Variants in PTPRT observed in about 807,000 individuals in gnomAD.
PTPRT encodes protein tyrosine phosphatase receptor type T, also known as receptor-type tyrosine-protein phosphatase T.
A neutral mutation model predicts 176.8 loss-of-function variants in PTPRT; 56 were observed. That is an observed-to-expected ratio of 0.32 (90% CI 0.26 to 0.40). The LOEUF (loss-of-function observed/expected upper bound fraction) is 0.40. Ranked by LOEUF, PTPRT falls within the 10% of genes least tolerant of loss-of-function variation. PTPRT has a pLI of 1.00. For missense variants in PTPRT, 1,540 were observed against 1,908.2 expected, an observed-to-expected ratio of 0.81 and a Z score of 3.60; for synonymous variants, 783 against 739.0, an observed-to-expected ratio of 1.06 and a Z score of -0.96.
intron 1 of PTPRT, among the ~76,000 whole-genome samples, chr20:42,917,773 T>C (rs150374404): frequency 7.4e-4 from 113 of 152,270 alleles, no homozygotes; most frequent in African/African-American, 2.6e-3. Context: ...CCAGAAGTCA[T>C]AACTAGTGAG....
chr20:42,102,384 C>A (rs1568931567), intron 25 of PTPRT, 87 bp from the exon 26 acceptor site: 1 of 1,428,514 alleles, frequency 7.0e-7, no homozygotes, highest in Non-Finnish European at 9.6e-7. Context: ...CTCAGCCTAA[C>A]TCGCCTATTT....
intron 7 of PTPRT, among the ~76,000 whole-genome samples, chr20:42,483,872 C>T (rs1268873750): frequency 6.6e-6 from 1 of 152,248 alleles, no homozygotes; most frequent in Admixed American, 6.5e-5. Flanking sequence ...TGGCTGCATG[C>T]TAGTATCTGC....
At position 42,075,776 on chromosome 20, in the gene PTPRT, C is replaced by T; in HGVS notation, c.*5103G>A. 4.9e-6 allele frequency: 1 copy of T among 203,306 alleles called. No individual in the cohort carries two copies. Among genetic ancestry groups the T allele is most frequent in the Non-Finnish European group, 1.0e-5 (1 of 99,088 alleles). The allele number at this position is 203,306 out of a possible 1,614,324, so 12.6% of individuals were successfully genotyped here. The stretch of plus-strand genomic sequence containing the variant: ...AAATGTAGATCCTGGTGAGGACTTA[C>T]AGCAAGAGCTAGTGTGGCAATGGGG... On this transcript the variant is annotated 3_prime_UTR_variant, in exon 31 of 31. Transcript: ENST00000373187.
intron 7 of PTPRT, among the ~76,000 whole-genome samples, chr20:42,604,063 C>T (rs977917237): frequency 2.0e-5 from 3 of 152,176 alleles, no homozygotes; most frequent in Non-Finnish European, 4.4e-5. Context: ...GACAAATACA[C>T]CAAGTGTCGG....
At chr20:42,607,209 G>A (rs906656217) in intron 7 of PTPRT, among the ~76,000 whole-genome samples, 12 of 152,248 alleles carry the variant, frequency 7.9e-5, no homozygotes, top group Admixed American at 2.0e-4. Context: ...TGAAGAGTTC[G>A]TATTTAATGG....
intron 1 of PTPRT, among the ~76,000 whole-genome samples, chr20:42,974,678 C>A (rs1392821935): frequency 6.6e-6 from 1 of 152,194 alleles, no homozygotes; most frequent in Non-Finnish European, 1.5e-5. Context: ...GTACAAGTTC[C>A]ACTACGGCTA....
intron 9 of PTPRT, among the ~76,000 whole-genome samples, chr20:42,424,454 C>G (rs1264132442): frequency 2.0e-5 from 3 of 152,202 alleles, no homozygotes; most frequent in Non-Finnish European, 4.4e-5. Flanking sequence ...ACACCTTCCA[C>G]CTGCCTCCCA....
chr20:42,065,165 G>C, the PTPRT span, among the ~76,000 whole-genome samples: 2 of 152,164 alleles, frequency 1.3e-5, no homozygotes, highest in Admixed American at 1.3e-4. Flanking sequence ...CCCTTCTCAA[G>C]AGCTGCCAGA....
intron 1 of PTPRT, among the ~76,000 whole-genome samples, chr20:43,156,599 C>T (rs1246830800): frequency 6.6e-6 from 1 of 152,202 alleles, no homozygotes; most frequent in Non-Finnish European, 1.5e-5. Context: ...CCCACCCCAC[C>T]ATCTTAAAAT....
chr20:43,007,111 C>A (rs536283320), intron 1 of PTPRT, among the ~76,000 whole-genome samples: 22 of 152,240 alleles, frequency 1.4e-4, no homozygotes, highest in African/African-American at 2.9e-4. Context: ...CTCATGAGAT[C>A]CTGAAGTCAA....
intron 2 of PTPRT, among the ~76,000 whole-genome samples, chr20:42,874,564 G>A (rs375416847): frequency 3.3e-5 from 5 of 152,136 alleles, no homozygotes; most frequent in Middle Eastern, 3.2e-3. Flanking sequence ...TTAAAATCAC[G>A]TTTCATAAAA....
intron 6 of PTPRT, among the ~76,000 whole-genome samples, chr20:42,696,714 C>T (rs777398924): frequency 2.6e-5 from 4 of 152,082 alleles, no homozygotes; most frequent in African/African-American, 4.8e-5. Context: ...TTTGGCCTTC[C>T]GAAGTGCTGG....
intron 6 of PTPRT, among the ~76,000 whole-genome samples, chr20:42,744,368 T>TAA (rs1022431057): frequency 6.6e-6 from 1 of 151,768 alleles, no homozygotes; most frequent in Admixed American, 6.6e-5. Flanking sequence ...GAGGAGACTT[T>TAA]AAAAAAAAAT....
At chr20:43,144,747 A>G (rs1346758594) in intron 1 of PTPRT, among the ~76,000 whole-genome samples, 1 of 152,114 alleles carries the variant, frequency 6.6e-6, no homozygotes, top group African/African-American at 2.4e-5. Context: ...GATTGTGATG[A>G]TGATTGCACA....
At chr20:42,919,374 T>C (rs1348446769) in intron 1 of PTPRT, among the ~76,000 whole-genome samples, 1 of 152,218 alleles carries the variant, frequency 6.6e-6, no homozygotes, top group Non-Finnish European at 1.5e-5. Context: ...CTTTGAGGAC[T>C]GGAACACAGG....
intron 15 of PTPRT, among the ~76,000 whole-genome samples, chr20:42,226,077 T>C (rs1181617571): frequency 6.6e-6 from 1 of 152,236 alleles, no homozygotes; most frequent in African/African-American, 2.4e-5. Context: ...TTGTTATGTC[T>C]TCACTGCTCC....
At chr20:43,133,747 CAA>C (rs11366438) in intron 1 of PTPRT, among the ~76,000 whole-genome samples, 14,075 of 124,866 alleles carry the variant, frequency 0.11, 746 homozygotes, top group Middle Eastern at 0.17. Flanking sequence ...GACTCTGTCT[CAA>C]AAAAAAAAAA....
intron 7 of PTPRT, among the ~76,000 whole-genome samples, chr20:42,629,539 C>A (rs2074364387): frequency 6.6e-6 from 1 of 152,148 alleles, no homozygotes; most frequent in African/African-American, 2.4e-5. Context: ...AATGCCCCAA[C>A]AATTGCTTGT....
At chr20:42,754,538 C>T (rs1488328134) in intron 6 of PTPRT, among the ~76,000 whole-genome samples, 1 of 152,198 alleles carries the variant, frequency 6.6e-6, no homozygotes, top group African/African-American at 2.4e-5. Flanking sequence ...CTGCTTTGGC[C>T]TCCCAAACTG....
Sources: gnomAD v4.1 joint callset for allele counts (sites outside exome capture counted in the v4.1 genomes callset) on GRCh38, gnomAD v4.1.1 for gene constraint, MANE v1.5 for transcripts, NCBI Gene and HGNC (gene_info 2026-07-23, HGNC 2026-07-21) for gene names.